TCTN1: variants seen among roughly 807,000 people sequenced by gnomAD.
TCTN1 encodes tectonic-1.
In TCTN1, 58 loss-of-function variants were observed where a neutral mutation model predicts 65.8. The observed-to-expected ratio is 0.88, with a 90% confidence interval of 0.71 to 1.10. The LOEUF (loss-of-function observed/expected upper bound fraction) is 1.10, where lower values mean the gene tolerates loss of function less well. Ranked by LOEUF, TCTN1 falls within the 50% of genes least tolerant of loss-of-function variation. The pLI, the probability that TCTN1 is intolerant of heterozygous loss-of-function variation, is 0.00. For missense variants in TCTN1, 645 were observed against 719.4 expected (o/e 0.90, Z 1.18); for synonymous variants, 273 against 289.1 (o/e 0.94, Z 0.57).
intron 13 of TCTN1, 113 bp downstream of exon 13, chr12:110,647,449 G>A: frequency 7.2e-7 from 1 of 1,398,492 alleles, no homozygotes; most frequent in Non-Finnish European, 9.9e-7. Context: ...AAACCATGGG[G>A]GTTCATAAAA....
In TCTN1 at chr12:110,641,577, T is replaced by C; in HGVS notation, c.1140T>C (p.Pro380=). ...NTQPVPLSGN[P]GYVVGLPLAA... is the part of the protein sequence containing the mutation. ...AGCCAGTCCCTCTCAGTGGAAACCC[T>C]GGTTATGTCGTGGGGCTCCCATTAG... Residue 380 remains proline, a synonymous_variant, in exon 10 of 15, where the codon CCT becomes CCC. Transcript: ENST00000397659. 6.2e-7 allele frequency: 1 copy of C among 1,614,266 alleles called. No individual in the cohort carries two copies. Among genetic ancestry groups the C allele is most frequent in the Non-Finnish European group, 8.5e-7 (1 of 1,180,044 alleles).
chr12:110,628,961 A>G, intron 4 of TCTN1, 43 bp downstream of exon 4: 2 of 1,609,826 alleles, frequency 1.2e-6, no homozygotes, highest in Non-Finnish European at 1.7e-6. Context: ...CATCACAAAT[A>G]TCTTTCCTTG....
chr12:110,633,882 T>C (rs1023297184), intron 5 of TCTN1, among the ~76,000 whole-genome samples: 1 of 152,204 alleles, frequency 6.6e-6, no homozygotes, highest in African/African-American at 2.4e-5. Context: ...AACCCAGCTG[T>C]TCTACTTCCA....
intron 1 of TCTN1, among the ~76,000 whole-genome samples, chr12:110,619,149 G>C (rs1195681039): frequency 6.6e-6 from 1 of 152,050 alleles, no homozygotes; most frequent in Non-Finnish European, 1.5e-5. Flanking sequence ...TTGCACTCCA[G>C]CCTGGGCAAC....
At position 110,632,453 on chromosome 12, in the gene TCTN1, T is replaced by C. The variant is rs2066297496; in HGVS notation, c.625-19T>C. ...TACTTTAATTACACCATAACGACTG[T>C]TGGTTGTTGTGTTTGCAGTATGGGG... On this transcript the variant is annotated intron_variant, in intron 4 of 14. Transcript: ENST00000397659. 2 of 1,612,756 alleles carry C rather than the reference T, an allele frequency of 1.2e-6. No individual in the cohort carries two copies. The highest frequency in any genetic ancestry group is 2.2e-5 in the South Asian group (2 of 91,050).
Position 110,644,682 on chromosome 12 carries a change from A to G in TCTN1, c.1332-285A>G. The G allele has an allele frequency of 2.4e-6, 1 of 422,132 alleles. No homozygotes were observed. The highest frequency in any genetic ancestry group is 4.4e-6 in the Non-Finnish European group (1 of 226,458). 26.1% of individuals were successfully genotyped at this position (422,132 alleles called of 1,614,324 possible). ...AACAGAGCAAACTCCATCTCAAAACAAAACAAAAAAACCAAAAATCAAAAC... is the reference window on the plus strand; with the variant it reads ...AACAGAGCAAACTCCATCTCAAAACGAAACAAAAAAACCAAAAATCAAAAC... On this transcript the variant is annotated intron_variant, in intron 11 of 14. Transcript: ENST00000397659. This position sits in a 1 kb window ranked among gnomAD's most constrained non-coding sequence, Gnocchi z 4.6.
At chr12:110,628,955 A>G in intron 4 of TCTN1, 37 bp downstream of exon 4, 1 of 1,610,954 alleles carries the variant, frequency 6.2e-7, no homozygotes, top group East Asian at 2.2e-5. Context: ...TCATCCCATC[A>G]CAAATATCTT....
chr12:110,643,356 TATGTACATA>T (rs1356394122), intron 11 of TCTN1: 1 of 152,204 alleles, frequency 6.6e-6, no homozygotes, highest in African/African-American at 2.4e-5. Context: ...TCTTATCAAA[TATGTACATA>T]ATGTAAAATA....
Position 110,614,166 on chromosome 12 carries a change from C to T in TCTN1, c.-17C>T. 6.5e-7 allele frequency: 1 copy of T among 1,548,434 alleles called. No homozygotes were observed. Among genetic ancestry groups the T allele is most frequent in the Non-Finnish European group, 8.7e-7 (1 of 1,147,412 alleles). ...CGCGCTGTCCATGTCGCGGGCCTCGCTGGGACTCCCTGGGAGATGAGGCCG... is the reference window on the plus strand; with the variant it reads ...CGCGCTGTCCATGTCGCGGGCCTCGTTGGGACTCCCTGGGAGATGAGGCCG... On this transcript the variant is annotated 5_prime_UTR_variant, in exon 1 of 15. Coordinates refer to ENST00000397659, the MANE Select transcript of TCTN1 (RefSeq NM_001082538.3).
intron 3 of TCTN1, 109 bp from the exon 4 acceptor site, chr12:110,628,658 T>C (rs2066015453): frequency 9.9e-7 from 1 of 1,010,148 alleles, no homozygotes; most frequent in Non-Finnish European, 1.4e-6. Flanking sequence ...TATTTGTTTT[T>C]TACATCAGCC....
chr12:110,644,509 C>G lies in TCTN1; in HGVS notation c.1332-458C>G, dbSNP rs542970113. On this transcript the variant is annotated intron_variant, in intron 11 of 14. Transcript: ENST00000397659. This position sits in a 1 kb window ranked among gnomAD's most constrained non-coding sequence, Gnocchi z 4.6. ...TGGCCAACATGGTGAAACCCCGTCT[C>G]TACTAAAAATACAAAAAAATTAGCC... is the stretch of plus-strand genomic sequence containing the variant. The G allele has an allele frequency of 2.9e-4, 69 of 241,170 alleles. No homozygotes were observed. The highest frequency in any genetic ancestry group is 1.5e-3 in the African/African-American group (64 of 42,866). 14.9% of individuals were successfully genotyped at this position (241,170 alleles called of 1,614,324 possible). A position where few individuals can be genotyped will look rare whatever the true frequency, so the allele number is the denominator to read the frequency against.
At chr12:110,627,471 A>G (rs545742777) in intron 3 of TCTN1, among the ~76,000 whole-genome samples, 18 of 152,238 alleles carry the variant, frequency 1.2e-4, no homozygotes, top group Non-Finnish European at 2.1e-4. Context: ...TTTCACAGGT[A>G]ATAGGAAGTA....
chr12:110,640,102 G>C lies in TCTN1; in HGVS notation c.844-281G>C, dbSNP rs2066849231. On this transcript the variant is annotated intron_variant, in intron 7 of 14. Transcript: ENST00000397659. The surrounding 1 kb of genome is among the most constrained non-coding windows in gnomAD (Gnocchi z 4.9). Reference sequence around the variant, plus strand: ...GTTTTTGGTTTTAGCTATTTTGATAGTGCAGCTGTGAACATTTGTGTACAA... The same window carrying C: ...GTTTTTGGTTTTAGCTATTTTGATACTGCAGCTGTGAACATTTGTGTACAA... 6.6e-6 allele frequency among the ~76,000 whole-genome samples: 1 copy of C among 152,180 alleles called. No homozygotes were observed. The highest frequency in any genetic ancestry group is 1.5e-5 in the Non-Finnish European group (1 of 68,040).
chr12:110,615,698 G>A lies in TCTN1; in HGVS notation c.220+1296G>A, dbSNP rs142560897. On this transcript the variant is annotated intron_variant, in intron 1 of 14. Coordinates refer to ENST00000397659, the MANE Select transcript of TCTN1 (RefSeq NM_001082538.3). ...GAGATCTCGCTATGTTGTTCAGGCT[G>A]ATCTCAAACTCCTGGGCTCAAGTGA... 3.5e-3 allele frequency among the ~76,000 whole-genome samples: 529 copies of A among 152,204 alleles called. 1 individual carries two copies. Among genetic ancestry groups the A allele is most frequent in the African/African-American group, 0.012 (496 of 41,538 alleles).
At chr12:110,641,289 T>A in intron 9 of TCTN1, 140 bp downstream of exon 9, 1 of 1,248,970 alleles carries the variant, frequency 8.0e-7, no homozygotes, top group Non-Finnish European at 1.1e-6. Flanking sequence ...GCCTGTGCAT[T>A]TGTAATGAAA....
At position 110,647,213 on chromosome 12, in the gene TCTN1, T is replaced by C. The variant is rs756256786; in HGVS notation, c.1512T>C (p.Asp504=). The stretch of plus-strand genomic sequence containing the variant: ...ATTAACAGCATTTTGTTTTGCAGGA[T>C]TCCTGCCAGCTCCCAGGGGCTTTGG... The part of the protein sequence containing the change: ...SFNRKHFVLQ[D]SCQLPGALVI... Residue 504 remains aspartate (D), a synonymous_variant, in exon 13 of 15, where the codon GAT becomes GAC. Transcript: ENST00000397659. The C allele has an allele frequency of 1.2e-6, 2 of 1,614,236 alleles. No individual in the cohort carries two copies. The highest frequency in any genetic ancestry group is 2.2e-5 in the South Asian group (2 of 91,090).
At chr12:110,645,274 C>T in intron 12 of TCTN1, 145 bp downstream of exon 12, 1 of 1,075,216 alleles carries the variant, frequency 9.3e-7, no homozygotes, top group Non-Finnish European at 1.4e-6. Flanking sequence ...TGATTTTTGC[C>T]CCTTGTTAGC....
rs563132670 is a variant in TCTN1, at chr12:110,647,755, T to G, written c.1642T>G (p.Ser548Ala). 3 of 1,614,200 alleles carry G rather than the reference T, an allele frequency of 1.9e-6. No individual in the cohort carries two copies. In the Admixed American group the frequency reaches 5.0e-5, roughly 27 times the overall value. The change falls in exon 14 of 15, where the codon TCA becomes GCA. Residue 548 changes from serine (S) to alanine (A), a missense_variant. Coordinates refer to ENST00000397659, the MANE Select transcript of TCTN1 (RefSeq NM_001082538.3). ...ATCTCTCTGTTTATTACAGGCCAAC[T>G]CAGGAAATGAAAGGACGATTCTTAT... is the stretch of plus-strand genomic sequence containing the variant. ...LISSSFPEAN[S>A]GNERTILIST... is the part of the protein sequence containing the mutation.
intron 6 of TCTN1, 82 bp downstream of exon 6, chr12:110,634,861 A>G (rs1278869985): frequency 1.6e-5 from 17 of 1,071,760 alleles, no homozygotes. Context: ...CAAGTACAGA[A>G]TAATTTCAGT....
Sources: allele counts gnomAD v4.1 joint callset (sites outside exome capture counted in the v4.1 genomes callset), GRCh38; gene constraint gnomAD v4.1.1; non-coding constraint Gnocchi (gnomAD v3.1); transcripts MANE v1.5; gene names NCBI Gene and HGNC (gene_info 2026-07-23, HGNC 2026-07-21).